The following AGBL4 variants were observed in gnomAD, a reference collection of about 807,000 sequenced individuals.
AGBL4 encodes the protein cytosolic carboxypeptidase 6.
A neutral mutation model predicts 66.4 loss-of-function variants in AGBL4; 58 were observed. The ratio of observed to expected loss-of-function variants is 0.87; its 90% CI spans 0.71 to 1.09. AGBL4 has a LOEUF of 1.09. Among genes scored for constraint, AGBL4 ranks in the 50% least tolerant of loss-of-function variants. The probability of loss-of-function intolerance (pLI) is 0.00; values close to 1 mark genes in which losing one functional copy is unlikely to be tolerated. For missense variants in AGBL4, 579 were observed against 631.0 expected (o/e 0.92, Z 0.88); for synonymous variants, 234 against 222.9 (o/e 1.05, Z -0.44).
chr1:49,118,988 G>C (rs1413232655), intron 4 of AGBL4, among the ~76,000 whole-genome samples: 1 of 152,236 alleles, frequency 6.6e-6, no homozygotes, highest in Non-Finnish European at 1.5e-5. Flanking sequence ...TTTGCGTAGA[G>C]ATGTTTATAG....
chr1:49,575,677 G>T (rs1571083879), intron 3 of AGBL4, among the ~76,000 whole-genome samples: 1 of 152,192 alleles, frequency 6.6e-6, no homozygotes, highest in Non-Finnish European at 1.5e-5. Context: ...ACCATATGTG[G>T]TTTCATTGCT....
At chr1:49,014,390 G>C (rs1238162031) in intron 5 of AGBL4, among the ~76,000 whole-genome samples, 1 of 152,166 alleles carries the variant, frequency 6.6e-6, no homozygotes, top group Non-Finnish European at 1.5e-5. Flanking sequence ...CCAAAACTTT[G>C]GCTTCCAATT....
At chr1:48,820,255 C>T (rs746051738) in intron 6 of AGBL4, among the ~76,000 whole-genome samples, 9 of 152,098 alleles carry the variant, frequency 5.9e-5, no homozygotes, top group Non-Finnish European at 1.0e-4. Context: ...GTTTGAAGAT[C>T]TGAACTGAAT....
intron 3 of AGBL4, among the ~76,000 whole-genome samples, chr1:49,342,194 A>G (rs1251673063): frequency 2.0e-5 from 3 of 152,066 alleles, no homozygotes; most frequent in African/African-American, 7.2e-5. Flanking sequence ...TCTGTGCGCA[A>G]GCTGGTTGAG....
At chr1:49,017,687 A>G (rs1025725273) in intron 5 of AGBL4, among the ~76,000 whole-genome samples, 1 of 152,208 alleles carries the variant, frequency 6.6e-6, no homozygotes, top group Non-Finnish European at 1.5e-5. Flanking sequence ...TGCTCACAAT[A>G]ACTACCTCTG....
chr1:49,552,055 C>T (rs1336178145), intron 3 of AGBL4, among the ~76,000 whole-genome samples: 1 of 152,068 alleles, frequency 6.6e-6, no homozygotes, highest in Non-Finnish European at 1.5e-5. Context: ...GCTGCCTCTG[C>T]TAAGTCATGC....
At chr1:49,922,323 A>G (rs887991207) in intron 1 of AGBL4, among the ~76,000 whole-genome samples, 1 of 152,180 alleles carries the variant, frequency 6.6e-6, no homozygotes, top group East Asian at 1.9e-4. Flanking sequence ...TAAGAGCCAT[A>G]TATAACAAAC....
chr1:48,686,792 C>T (rs1246881759), intron 6 of AGBL4, among the ~76,000 whole-genome samples: 1 of 152,198 alleles, frequency 6.6e-6, no homozygotes, highest in Non-Finnish European at 1.5e-5. Context: ...TCAGTGTCCT[C>T]ATCTAGCCAC....
At chr1:49,431,172 G>T (rs1189232676) in intron 3 of AGBL4, among the ~76,000 whole-genome samples, 3 of 152,108 alleles carry the variant, frequency 2.0e-5, no homozygotes, top group African/African-American at 2.4e-5. Context: ...GGGTCAGAGG[G>T]TATACATATA....
intron 3 of AGBL4, among the ~76,000 whole-genome samples, chr1:49,502,371 G>A (rs1359421162): frequency 6.6e-6 from 1 of 151,972 alleles, no homozygotes; most frequent in Non-Finnish European, 1.5e-5. Flanking sequence ...TATCCTATTA[G>A]TTCTGCCCTT....
At chr1:49,300,793 C>A (rs1305302139) in intron 3 of AGBL4, among the ~76,000 whole-genome samples, 1 of 152,194 alleles carries the variant, frequency 6.6e-6, no homozygotes, top group Non-Finnish European at 1.5e-5. Flanking sequence ...GTTCGTTGTG[C>A]TATTCTGCAT....
chr1:49,957,688 CTTT>C (rs1020760810), intron 1 of AGBL4, among the ~76,000 whole-genome samples: 1 of 151,490 alleles, frequency 6.6e-6, no homozygotes, highest in Non-Finnish European at 1.5e-5. Flanking sequence ...CAACCCTTGC[CTTT>C]TTTTTGTTTT....
At chr1:49,562,740 C>A (rs1441674422) in intron 3 of AGBL4, among the ~76,000 whole-genome samples, 4 of 152,128 alleles carry the variant, frequency 2.6e-5, no homozygotes, top group African/African-American at 9.6e-5. Flanking sequence ...AGTCAGGTAG[C>A]GTGATGCCTC....
intron 1 of AGBL4, among the ~76,000 whole-genome samples, chr1:49,859,761 G>A (rs1427645019): frequency 2.6e-5 from 4 of 151,556 alleles, no homozygotes; most frequent in South Asian, 2.1e-4. Flanking sequence ...GTTTCTAAAC[G>A]TGCAATAAAC....
intron 3 of AGBL4, among the ~76,000 whole-genome samples, chr1:49,541,593 G>T (rs966927523): frequency 1.3e-5 from 2 of 152,206 alleles, no homozygotes; most frequent in African/African-American, 4.8e-5. Flanking sequence ...GGGACCTGCA[G>T]CCCACCATGC....
chr1:49,762,967 A>G (rs2147865852), intron 2 of AGBL4, among the ~76,000 whole-genome samples: 1 of 152,344 alleles, frequency 6.6e-6, no homozygotes, highest in South Asian at 2.1e-4. Context: ...GCCCAGCGTC[A>G]TAAAGTATTT....
chr1:49,891,393 G>A (rs1321696872), intron 1 of AGBL4, among the ~76,000 whole-genome samples: 1 of 152,126 alleles, frequency 6.6e-6, no homozygotes, highest in South Asian at 2.1e-4. Flanking sequence ...CTGCTCAAGG[G>A]ATGTTTAACA....
At chr1:49,624,183 A>G (rs949484331) in intron 3 of AGBL4, among the ~76,000 whole-genome samples, 1 of 152,158 alleles carries the variant, frequency 6.6e-6, no homozygotes, top group Non-Finnish European at 1.5e-5. Flanking sequence ...CTCAGTAAGT[A>G]TATGCTGAAT....
At chr1:49,317,993 A>G (rs1182579717) in intron 3 of AGBL4, among the ~76,000 whole-genome samples, 2 of 152,080 alleles carry the variant, frequency 1.3e-5, no homozygotes, top group Non-Finnish European at 2.9e-5. Context: ...ATTCTCTTGA[A>G]TTTCCATAGC....
Sources: allele counts gnomAD v4.1 joint callset (sites outside exome capture counted in the v4.1 genomes callset), GRCh38; gene constraint gnomAD v4.1.1; transcripts MANE v1.5; gene names NCBI Gene and HGNC (gene_info 2026-07-23, HGNC 2026-07-21).